The following CLDN18 variants were observed in gnomAD, a reference collection of about 807,000 sequenced individuals.
CLDN18 encodes claudin-18.
A neutral mutation model predicts 25.0 loss-of-function variants in CLDN18; 20 were observed. The ratio of observed to expected loss-of-function variants is 0.80; its 90% CI spans 0.56 to 1.16. The LOEUF is 1.16. Ranked by LOEUF, CLDN18 falls within the 50% of genes most tolerant of loss-of-function variation. CLDN18 has a pLI of 0.00. For synonymous variants in CLDN18, 125 were observed against 135.6 expected (o/e 0.92, Z 0.54); for missense variants, 297 against 345.4 (o/e 0.86, Z 1.11).
At chr3:138,005,188 A>G (rs1169166257), upstream of CLDN18, 17 of 152,228 alleles carry the variant, frequency 1.1e-4, no homozygotes, top group Admixed American at 1.1e-3. Context: ...CAAATGCTTC[A>G]TACAAACTTG....
chr3:138,015,480 A>G (rs1472956062), intron 1 of CLDN18, among the ~76,000 whole-genome samples: 1 of 152,260 alleles, frequency 6.6e-6, no homozygotes, highest in Non-Finnish European at 1.5e-5. Context: ...ATTTTGACCT[A>G]GAACCCAGAA....
At chr3:138,023,625 T>C (rs1380141666) in intron 1 of CLDN18, 33 bp from the exon 2 acceptor site, 12 of 1,605,382 alleles carry the variant, frequency 7.5e-6, no homozygotes, top group Non-Finnish European at 1.0e-5. Flanking sequence ...TTGGTCTTAT[T>C]TGTCTGCTTG....
chr3:138,027,825 C>T (rs1559808272), intron 3 of CLDN18, among the ~76,000 whole-genome samples: 1 of 152,156 alleles, frequency 6.6e-6, no homozygotes, highest in Non-Finnish European at 1.5e-5. Flanking sequence ...AGGAGAAGCC[C>T]CAGGAAAAGA....
At chr3:138,023,953 G>A (rs1295734735) in intron 2 of CLDN18, 131 bp downstream of exon 2, 6 of 904,704 alleles carry the variant, frequency 6.6e-6, no homozygotes, top group Non-Finnish European at 9.9e-6. Flanking sequence ...TGATCTGAGT[G>A]TGGAGGTCCA....
intron 1 of CLDN18, among the ~76,000 whole-genome samples, chr3:138,014,658 G>GA (rs1442480632): frequency 1.3e-5 from 2 of 151,990 alleles, no homozygotes; most frequent in Non-Finnish European, 2.9e-5. Flanking sequence ...CCAAAAGCCA[G>GA]AAAAAAACAC....
chr3:138,029,956 C>A (rs2107890767), intron 4 of CLDN18, 49 bp downstream of exon 4: 1 of 1,173,196 alleles, frequency 8.5e-7, no homozygotes, highest in Non-Finnish European at 1.2e-6. Flanking sequence ...TGTTCAGGGT[C>A]TATTTTAATG....
chr3:138,000,334 G>T (rs1158094868), intron 1 of CLDN18, among the ~76,000 whole-genome samples: 3 of 152,158 alleles, frequency 2.0e-5, no homozygotes, highest in African/African-American at 4.8e-5. Context: ...TTGTGAAAAG[G>T]AGTTAAGATT....
upstream of CLDN18, chr3:138,010,024 C>G (rs1297435064): frequency 4.5e-6 from 4 of 882,740 alleles, no homozygotes; most frequent in Non-Finnish European, 6.7e-6. Context: ...CTCTTGGGCC[C>G]GCTTCTCTAA....
At chr3:138,010,499 G>A (rs1942124245) in intron 1 of CLDN18, 54 bp downstream of exon 1, 6 of 1,603,800 alleles carry the variant, frequency 3.7e-6, no homozygotes, top group Non-Finnish European at 5.1e-6. Context: ...AGCAGGGAAG[G>A]GGGCGTTTGC....
In CLDN18 at chr3:138,031,005, G is replaced by T; in HGVS notation, c.650G>T (p.Ser217Ile). 6.2e-7 allele frequency: 1 copy of T among 1,614,068 alleles called. No homozygotes were observed. The highest frequency in any genetic ancestry group is 1.1e-5 in the South Asian group (1 of 91,064). The change falls in exon 5 of 5, where the codon AGT (serine) becomes ATT (isoleucine). Residue 217 changes from serine (S) to isoleucine (I), a missense_variant. Physicochemically the swap from Ser to Ile is moderately radical, Grantham distance 142. Transcript: ENST00000183605. ...KAVSYHASGH[S>I]VAYKPGGFKA... ...GTTTCTTATCATGCCTCAGGCCACA[G>T]TGTTGCCTACAAGCCTGGAGGCTTC...
intron 1 of CLDN18, among the ~76,000 whole-genome samples, chr3:138,002,408 C>A (rs1056508816): frequency 6.6e-6 from 1 of 152,184 alleles, no homozygotes; most frequent in Admixed American, 6.5e-5. Flanking sequence ...AATGTACTGA[C>A]CGCCAGCGTG....
chr3:138,022,460 A>T (rs1033065405), intron 1 of CLDN18, among the ~76,000 whole-genome samples: 22 of 152,196 alleles, frequency 1.4e-4, no homozygotes, highest in Admixed American at 4.6e-4. Context: ...TGCCTGTGAC[A>T]CTCAAGCAGG....
chr3:138,011,160 C>T (rs1942133453), intron 1 of CLDN18, among the ~76,000 whole-genome samples: 1 of 152,128 alleles, frequency 6.6e-6, no homozygotes, highest in Non-Finnish European at 1.5e-5. Flanking sequence ...AGCAACTTTG[C>T]ATTCTGAATA....
rs1163056029 is a variant in CLDN18, at chr3:138,032,383, A to T, written c.*1242A>T. The T allele has an allele frequency of 6.6e-6, 1 of 152,146 alleles. No individual in the cohort carries two copies. Among genetic ancestry groups the T allele is most frequent in the East Asian group, 1.9e-4 (1 of 5,198 alleles). The allele number at this position is 152,146 out of a possible 1,614,324, so 9.4% of individuals were successfully genotyped here. ...TGGGGCTGCAGTGAGCCATGATCAC[A>T]CCACTGCACTCCAGCCAGGTGACAT... is the stretch of plus-strand genomic sequence containing the variant. On this transcript the variant is annotated 3_prime_UTR_variant, in exon 5 of 5. Coordinates refer to ENST00000183605, the MANE Select transcript of CLDN18 (RefSeq NM_016369.4).
upstream of CLDN18, among the ~76,000 whole-genome samples, chr3:138,008,193 A>C (rs991852657): frequency 7.6e-5 from 9 of 118,582 alleles, no homozygotes; most frequent in African/African-American, 2.9e-4. Flanking sequence ...AGACCTATAA[A>C]GGTTAAAGAT....
chr3:138,000,681 C>T (rs988734738), intron 1 of CLDN18, among the ~76,000 whole-genome samples: 3 of 152,170 alleles, frequency 2.0e-5, no homozygotes, highest in Non-Finnish European at 2.9e-5. Context: ...GTATAAACAG[C>T]GGAACGTGAG....
At chr3:138,014,458 G>A (rs139192730) in intron 1 of CLDN18, among the ~76,000 whole-genome samples, 23 of 152,128 alleles carry the variant, frequency 1.5e-4, no homozygotes, top group Middle Eastern at 3.4e-3. Flanking sequence ...ACAAAACCCA[G>A]CATGGCACAC....
At chr3:138,000,539 G>A (rs976834710) in intron 1 of CLDN18, among the ~76,000 whole-genome samples, 1 of 152,140 alleles carries the variant, frequency 6.6e-6, no homozygotes, top group Admixed American at 6.5e-5. Flanking sequence ...TGTTTGGTTG[G>A]TTGGTTGGTT....
At chr3:138,025,708 G>A (rs1380186578) in intron 3 of CLDN18, among the ~76,000 whole-genome samples, 2 of 152,180 alleles carry the variant, frequency 1.3e-5, no homozygotes, top group Non-Finnish European at 2.9e-5. Flanking sequence ...GAAGTAGGTT[G>A]ACCAACTCAT....
Sources: gnomAD v4.1 joint callset for allele counts (sites outside exome capture counted in the v4.1 genomes callset) on GRCh38, gnomAD v4.1.1 for gene constraint, MANE v1.5 for transcripts, NCBI Gene and HGNC (gene_info 2026-07-23, HGNC 2026-07-21) for gene names.